Variants in PIK3CB observed in about 807,000 individuals in gnomAD.
PIK3CB encodes the protein phosphatidylinositol-4,5-bisphosphate 3-kinase catalytic subunit beta, also known as phosphatidylinositol 4,5-bisphosphate 3-kinase catalytic subunit beta isoform.
Under a neutral mutation model 136.8 loss-of-function variants are expected in PIK3CB, and 39 were observed. That is an observed-to-expected ratio of 0.29 (90% CI 0.22 to 0.37). PIK3CB has a LOEUF of 0.37. PIK3CB is among the 10% of genes least tolerant of loss of function. The pLI, the probability that PIK3CB is intolerant of heterozygous loss-of-function variation, is 1.00. For missense variants in PIK3CB, 868 were observed against 1,275.4 expected (o/e 0.68, Z 4.87); for synonymous variants, 428 against 436.6 (o/e 0.98, Z 0.25).
chr3:138,733,218 C>A, intron 8 of PIK3CB, 143 bp downstream of exon 8: 1 of 418,450 alleles, frequency 2.4e-6, no homozygotes, highest in South Asian at 7.6e-5. Flanking sequence ...TCTCAATAGT[C>A]TTATAATAAA....
At chr3:138,714,922 G>GT (rs2044577671) in intron 8 of PIK3CB, among the ~76,000 whole-genome samples, 1 of 152,130 alleles carries the variant, frequency 6.6e-6, no homozygotes, top group Non-Finnish European at 1.5e-5. Flanking sequence ...CCAGTATATC[G>GT]TTCAGTAAAC....
At chr3:138,811,384 A>T (rs1933045740) in intron 1 of PIK3CB, among the ~76,000 whole-genome samples, 1 of 151,930 alleles carries the variant, frequency 6.6e-6, no homozygotes, top group Admixed American at 6.6e-5. Flanking sequence ...TACCAATGTT[A>T]AGTTTTCTAA....
chr3:138,698,797 G>T (rs1025240286), intron 13 of PIK3CB, 110 bp downstream of exon 13: 12 of 597,020 alleles, frequency 2.0e-5, no homozygotes, highest in Non-Finnish European at 3.1e-5. Flanking sequence ...AATTTCTCCT[G>T]CTTAAATTAT....
In PIK3CB at chr3:138,699,037, A is replaced by G. The variant is rs2108530821; in HGVS notation, c.1640T>C (p.Leu547Ser). ...CATTTCATTTTCACACAGTTGAGAC[A>G]AGGGATCCCTGTCCAAGATTTCTTT... ...VLKEILDRDP[L>S]SQLCENEMDL... Residue 547 changes from leucine to serine, a missense_variant, in exon 13 of 24, where the codon TTG becomes TCG. Transcript: ENST00000674063. 1 of 1,601,818 alleles carries G rather than the reference A, an allele frequency of 6.2e-7. No homozygotes were observed. Among genetic ancestry groups the G allele is most frequent in the Non-Finnish European group, 8.5e-7 (1 of 1,171,406 alleles).
chr3:138,661,125 G>C (rs1020885092), intron 21 of PIK3CB, among the ~76,000 whole-genome samples: 19 of 152,284 alleles, frequency 1.2e-4, no homozygotes, highest in Non-Finnish European at 2.4e-4. Context: ...TTACTACGCC[G>C]ACTTTCACTC....
chr3:138,827,574 G>A (rs1198521730), intron 1 of PIK3CB, among the ~76,000 whole-genome samples: 2 of 151,962 alleles, frequency 1.3e-5, no homozygotes, highest in Admixed American at 6.6e-5. Context: ...AACCACTTAG[G>A]AGGCCGGTGC....
intron 2 of PIK3CB, chr3:138,770,583 G>A (rs2045786780): frequency 6.6e-6 from 1 of 151,752 alleles, no homozygotes; most frequent in African/African-American, 2.4e-5. Context: ...GGTGGCAGGT[G>A]CCTGTAGTCC....
chr3:138,656,312 A>G (rs1249404848), intron 22 of PIK3CB, 38 bp from the exon 23 acceptor site: 1 of 1,609,024 alleles, frequency 6.2e-7, no homozygotes, highest in Non-Finnish European at 8.5e-7. Context: ...GCACAGTGTT[A>G]GAGGGGAGAG....
chr3:138,823,518 C>T (rs1350628457), intron 1 of PIK3CB, among the ~76,000 whole-genome samples: 1 of 151,872 alleles, frequency 6.6e-6, no homozygotes, highest in Non-Finnish European at 1.5e-5. Context: ...TCCTGGGCAA[C>T]ATGGTGAAAC....
At chr3:138,742,885 T>A in intron 4 of PIK3CB, 104 bp from the exon 5 acceptor site, 1 of 605,532 alleles carries the variant, frequency 1.7e-6, no homozygotes, top group Non-Finnish European at 2.8e-6. Flanking sequence ...GGATGTTGGA[T>A]GCTTGGCTTT....
chr3:138,730,883 G>C (rs950632622), intron 8 of PIK3CB, among the ~76,000 whole-genome samples: 1 of 152,124 alleles, frequency 6.6e-6, no homozygotes, highest in Admixed American at 6.5e-5. Context: ...AGTGAGCTAT[G>C]ATCATGCCAC....
chr3:138,825,997 A>C lies in PIK3CB; in HGVS notation c.-122+8698T>G, dbSNP rs1224106622. Reference sequence around the variant, plus strand: ...TGATTATCCTGAACCATTCAGGCCAAATCAGTGCTGGCTATGCCACTGTAC... The same window carrying C: ...TGATTATCCTGAACCATTCAGGCCACATCAGTGCTGGCTATGCCACTGTAC... On this transcript the variant is annotated intron_variant, in intron 1 of 23. Transcript: ENST00000674063. 15 of 1,516,274 alleles carry C rather than the reference A, an allele frequency of 9.9e-6. No homozygotes were observed. The Middle Eastern group carries it at 1.5e-3, about 147-fold the overall frequency. The allele number at this position is 1,516,274 out of a possible 1,614,324, so 93.9% of individuals were successfully genotyped here.
chr3:138,655,609 G>A (rs1309433458), intron 23 of PIK3CB, 83 bp from the exon 24 acceptor site: 1 of 1,076,794 alleles, frequency 9.3e-7, no homozygotes, highest in Non-Finnish European at 1.4e-6. Context: ...GGCTGGATTG[G>A]TTGTGCCTCC....
intron 10 of PIK3CB, chr3:138,707,513 CTG>C: frequency 7.7e-7 from 1 of 1,302,412 alleles, no homozygotes; most frequent in Non-Finnish European, 9.7e-7. Context: ...GTTAACAAAA[CTG>C]AATGACTACT....
At chr3:138,829,945 G>A (rs970356749) in intron 1 of PIK3CB, among the ~76,000 whole-genome samples, 5 of 152,136 alleles carry the variant, frequency 3.3e-5, no homozygotes, top group African/African-American at 9.7e-5. Context: ...TAAAAATCTT[G>A]AGAGGCAACA....
Position 138,669,426 on chromosome 3 carries a change from AG to A in PIK3CB, c.2505-4224del, listed in dbSNP as rs371173322. Among the ~76,000 whole-genome samples, 311 of 64,026 alleles carry A rather than the reference AG, an allele frequency of 4.9e-3. 1 individual carries two copies. Among genetic ancestry groups the A allele is most frequent in the Middle Eastern group, 0.012 (1 of 86 alleles). The allele number at this position is 64,026 out of a possible 152,430, so 42.0% of individuals were successfully genotyped here. A position where few individuals can be genotyped will look rare whatever the true frequency, so the allele number is the denominator to read the frequency against. On this transcript the variant is annotated intron_variant, in intron 19 of 23. Coordinates refer to ENST00000674063, the MANE Select transcript of PIK3CB (RefSeq NM_006219.3). Reference sequence around the variant, plus strand: ...CTGTTTCAAAAAAAAAAAAAAAAAAAGGGGGGGGGGATGTAAAATGTAAACT... The same window carrying A: ...CTGTTTCAAAAAAAAAAAAAAAAAAAGGGGGGGGGATGTAAAATGTAAACT...
chr3:138,759,902 A>G (rs530912395), intron 2 of PIK3CB, among the ~76,000 whole-genome samples: 2 of 151,940 alleles, frequency 1.3e-5, no homozygotes, highest in Non-Finnish European at 2.9e-5. Flanking sequence ...TGCAATCAAG[A>G]GGGCCCTTTC....
At chr3:138,819,071 G>A (rs1406996033) in intron 1 of PIK3CB, among the ~76,000 whole-genome samples, 2 of 152,128 alleles carry the variant, frequency 1.3e-5, no homozygotes, top group African/African-American at 2.4e-5. Context: ...CTACCGGGCC[G>A]GGCGCAGTGG....
chr3:138,744,234 A>G (rs932376833), intron 4 of PIK3CB, among the ~76,000 whole-genome samples: 9 of 151,498 alleles, frequency 5.9e-5, no homozygotes, highest in Non-Finnish European at 1.2e-4. Flanking sequence ...TCTACTAAAA[A>G]TACAAAAAAC....
Sources: allele counts gnomAD v4.1 joint callset (sites outside exome capture counted in the v4.1 genomes callset), GRCh38; gene constraint gnomAD v4.1.1; transcripts MANE v1.5; gene names NCBI Gene and HGNC (gene_info 2026-07-23, HGNC 2026-07-21).